The following ZFYVE16 variants were observed in gnomAD, a reference collection of about 807,000 sequenced individuals.
The protein encoded by ZFYVE16 is zinc finger FYVE-type containing 16.
Under a neutral mutation model 138.1 loss-of-function variants are expected in ZFYVE16, and 89 were observed. The observed-to-expected ratio is 0.64, with a 90% CI of 0.54 to 0.77. ZFYVE16 has a LOEUF of 0.77. Ranked by LOEUF, ZFYVE16 falls within the 30% of genes least tolerant of loss-of-function variation. The probability of loss-of-function intolerance (pLI) is 0.00; values close to 1 mark genes in which losing one functional copy is unlikely to be tolerated. For missense variants in ZFYVE16, 1,793 were observed against 1,786.7 expected (o/e 1.00, Z -0.06); for synonymous variants, 596 against 618.3 (o/e 0.96, Z 0.53).
chr5:80,438,978 C>T lies in ZFYVE16; in HGVS notation c.2293C>T (p.Arg765Trp), dbSNP rs868492243. 13 of 1,612,238 alleles carry T rather than the reference C, an allele frequency of 8.1e-6. No homozygotes were observed. Among genetic ancestry groups the T allele is most frequent in the Middle Eastern group, 1.7e-4 (1 of 6,052 alleles). Reference protein sequence around the residue: ...NCQVKFTFTKRRHHCRACGKV... With the variant: ...NCQVKFTFTKWRHHCRACGKV... ...CCAAGTCAAATTTACTTTTACCAAA[C>T]GGCGACACCATTGCCGAGCATGTGG... Residue 765 changes from arginine to tryptophan, a missense_variant, in exon 4 of 19, where the codon CGG (arginine) becomes TGG (tryptophan). Around this residue, in one of 2 missense-constraint regions of ZFYVE16, gnomAD observed 1,295 missense variants for 1,204.3 expected, o/e 1.08. Coordinates refer to ENST00000505560, the MANE Select transcript of ZFYVE16 (RefSeq NM_001284236.3).
chr5:80,436,014 C>T (rs1304078311), intron 3 of ZFYVE16, among the ~76,000 whole-genome samples: 1 of 152,196 alleles, frequency 6.6e-6, no homozygotes, highest in Non-Finnish European at 1.5e-5. Context: ...GAAGGTGCTT[C>T]TCCTTTGCCT....
Position 80,445,214 on chromosome 5 carries a change from A to G in ZFYVE16, c.2582-49A>G, listed in dbSNP as rs761023843. 6 of 1,586,996 alleles carry G rather than the reference A, an allele frequency of 3.8e-6. No homozygotes were observed. In the African/African-American group the frequency reaches 5.5e-5, roughly 14 times the overall value. Reference sequence around the variant, plus strand: ...TTCACAATCTTTTTGGCATTAAATCATTGCCATATTACCAGATTCAAATGT... The same window carrying G: ...TTCACAATCTTTTTGGCATTAAATCGTTGCCATATTACCAGATTCAAATGT... On this transcript the variant is annotated intron_variant, in intron 6 of 18. Coordinates refer to ENST00000505560, the MANE Select transcript of ZFYVE16 (RefSeq NM_001284236.3).
chr5:80,456,358 A>G (rs901224923), intron 12 of ZFYVE16, 103 bp from the exon 13 acceptor site: 2 of 882,214 alleles, frequency 2.3e-6, no homozygotes, highest in Non-Finnish European at 3.5e-6. Context: ...TGAGAATGAT[A>G]TTCTTTATTA....
intron 1 of ZFYVE16, among the ~76,000 whole-genome samples, chr5:80,413,321 A>T: frequency 6.6e-6 from 1 of 151,698 alleles, no homozygotes; most frequent in Non-Finnish European, 1.5e-5. Context: ...AAAATACAAA[A>T]TTAGCCAGGC....
rs976707391 is a variant in ZFYVE16, at chr5:80,436,823, G to A, written c.138G>A (p.Glu46=). 5 of 1,614,136 alleles carry A rather than the reference G, an allele frequency of 3.1e-6. No homozygotes were observed. The highest frequency in any genetic ancestry group is 4.2e-6 in the Non-Finnish European group (5 of 1,180,018). The change falls in exon 4 of 19, where the codon GAG becomes GAA. Residue 46 remains glutamate, a synonymous_variant. Transcript: ENST00000505560. ...CTAACCACTGCTCAGTTTCTTCAGAGTTGGCTTCCTCACAGCGAACTTCAT... is the reference window on the plus strand; with the variant it reads ...CTAACCACTGCTCAGTTTCTTCAGAATTGGCTTCCTCACAGCGAACTTCAT... ...YDSNHCSVSS[E]LASSQRTSLL...
In ZFYVE16 at chr5:80,436,996, C is replaced by A. The variant is rs1379592917; in HGVS notation, c.311C>A (p.Ser104Tyr). Residue 104 changes from serine (S) to tyrosine (Y), a missense_variant, in exon 4 of 19, where the codon TCT becomes TAT. Transcript: ENST00000505560. ...EKNVTGLDLL[S>Y]SVDGGTSDEI... Reference sequence around the variant, plus strand: ...AATGTAACAGGACTTGATCTTCTTTCTTCTGTGGATGGTGGTACTTCAGAT... The same window carrying A: ...AATGTAACAGGACTTGATCTTCTTTATTCTGTGGATGGTGGTACTTCAGAT... 2 of 1,614,198 alleles carry A rather than the reference C, an allele frequency of 1.2e-6. No homozygotes were observed. Among genetic ancestry groups the A allele is most frequent in the South Asian group, 2.2e-5 (2 of 91,090 alleles).
chr5:80,451,438 A>G, intron 10 of ZFYVE16, 47 bp from the exon 11 acceptor site: 1 of 1,474,380 alleles, frequency 6.8e-7, no homozygotes, highest in East Asian at 2.3e-5. Context: ...TCTTCAAAAC[A>G]ATAACAAAAC....
chr5:80,476,887 A>C (rs1754961400), intron 18 of ZFYVE16, among the ~76,000 whole-genome samples: 1 of 152,138 alleles, frequency 6.6e-6, no homozygotes, highest in Non-Finnish European at 1.5e-5. Flanking sequence ...TTTCAAGTAG[A>C]TTTTTTTAAT....
At position 80,437,941 on chromosome 5, in the gene ZFYVE16, A is replaced by G. The variant is rs1241477539; in HGVS notation, c.1256A>G (p.Asn419Ser). 1 of 1,614,076 alleles carries G rather than the reference A, an allele frequency of 6.2e-7. No individual in the cohort carries two copies. Among genetic ancestry groups the G allele is most frequent in the Admixed American group, 1.7e-5 (1 of 59,998 alleles). ...GTGACTATACATGAAGAAATACAGA[A>G]CAGTGTTGTTCTAGGTGGGGAACCA... ...DAVTIHEEIQ[N>S]SVVLGGEPFK... is the part of the protein sequence containing the mutation. The change falls in exon 4 of 19, where the codon AAC becomes AGC. Residue 419 changes from asparagine to serine, a missense_variant. Asn to Ser is a conservative substitution (Grantham distance 46). Transcript: ENST00000505560.
rs1466008537 is a variant in ZFYVE16, at chr5:80,472,670, A to C, written c.4025-91A>C. 11 of 1,257,698 alleles carry C rather than the reference A, an allele frequency of 8.7e-6. 1 individual carries two copies. In the Admixed American group the frequency reaches 2.4e-4, roughly 28 times the overall value. The allele number at this position is 1,257,698 out of a possible 1,614,324, so 77.9% of individuals were successfully genotyped here. A position where few individuals can be genotyped will look rare whatever the true frequency, so the allele number is the denominator to read the frequency against. ...GCAAATGATTTAAAACTTGTATCTT[A>C]CACAGAACATATTTTGATAGCAAAT... On this transcript the variant is annotated intron_variant, in intron 15 of 18. Coordinates refer to ENST00000505560, the MANE Select transcript of ZFYVE16 (RefSeq NM_001284236.3).
chr5:80,434,472 TC>T (rs1230667162), intron 3 of ZFYVE16, among the ~76,000 whole-genome samples: 12 of 152,172 alleles, frequency 7.9e-5, no homozygotes, highest in African/African-American at 2.9e-4. Context: ...ACATTTCTTT[TC>T]TTTTCTTTTC....
At chr5:80,458,662 C>T (rs1196116296) in intron 14 of ZFYVE16, among the ~76,000 whole-genome samples, 2 of 152,164 alleles carry the variant, frequency 1.3e-5, no homozygotes, top group East Asian at 3.8e-4. Context: ...TATAAAAATG[C>T]TACAGTGAAT....
At chr5:80,420,131 G>A (rs909484570) in intron 1 of ZFYVE16, among the ~76,000 whole-genome samples, 1 of 150,518 alleles carries the variant, frequency 6.6e-6, no homozygotes, top group Non-Finnish European at 1.5e-5. Context: ...TTTTGAGACA[G>A]AGTTTAGCTC....
chr5:80,445,491 T>C, intron 7 of ZFYVE16, 86 bp downstream of exon 7: 2 of 1,290,462 alleles, frequency 1.5e-6, no homozygotes, highest in East Asian at 4.9e-5. Context: ...AGTGCTTTTT[T>C]TTTTTTTTAA....
At chr5:80,425,980 G>A (rs1283363500) in intron 1 of ZFYVE16, among the ~76,000 whole-genome samples, 45 of 152,092 alleles carry the variant, frequency 3.0e-4, no homozygotes, top group Admixed American at 2.9e-3. Flanking sequence ...TTATTAACTG[G>A]AATTCTTATC....
chr5:80,448,732 C>T lies in ZFYVE16; in HGVS notation c.3103+328C>T, dbSNP rs1310560447. Among the ~76,000 whole-genome samples, 3 of 151,982 alleles carry T rather than the reference C, an allele frequency of 2.0e-5. No homozygotes were observed. In the East Asian group the frequency reaches 5.8e-4, roughly 29 times the overall value. On this transcript the variant is annotated intron_variant, in intron 8 of 18. Coordinates refer to ENST00000505560, the MANE Select transcript of ZFYVE16 (RefSeq NM_001284236.3). ...CTATTTTTTTTTAGGAGCATGATACCTAAAGAAAAGAGCATTAGATTGGAT... is the reference window on the plus strand; with the variant it reads ...CTATTTTTTTTTAGGAGCATGATACTTAAAGAAAAGAGCATTAGATTGGAT...
Position 80,471,821 on chromosome 5 carries a change from G to A in ZFYVE16, c.4025-940G>A, listed in dbSNP as rs77021783. Among the ~76,000 whole-genome samples the A allele has an allele frequency of 3.3e-3, 500 of 152,296 alleles. 13 individuals are homozygous for A. The East Asian group carries it at 0.087, about 27-fold the overall frequency. ...TTTCATGGTTGATCACCTTGACATT[G>A]TGTAGACTTGATTTTTCACTTTCTT... is the stretch of plus-strand genomic sequence containing the variant. On this transcript the variant is annotated intron_variant, in intron 15 of 18. Coordinates refer to ENST00000505560, the MANE Select transcript of ZFYVE16 (RefSeq NM_001284236.3).
chr5:80,437,505 G>T lies in ZFYVE16; in HGVS notation c.820G>T (p.Asp274Tyr). 1.9e-6 allele frequency: 3 copies of T among 1,612,368 alleles called. No homozygotes were observed. The South Asian group carries it at 3.3e-5, about 18-fold the overall frequency. Residue 274 changes from aspartate to tyrosine, a missense_variant, in exon 4 of 19, where the codon GAT becomes TAT. By Grantham distance (160) the Asp-to-Tyr change is radical. This residue lies in a region of ZFYVE16 where 1,295 missense variants were observed against 1,204.3 expected (regional missense o/e 1.08). Transcript: ENST00000505560. ...HKSQPCGLLKDVGLVKEEVDV... is the reference protein window; with the variant it reads ...HKSQPCGLLKYVGLVKEEVDV... ...GAGCCAGCCATGTGGATTACTAAAAGATGTTGGCTTAGTAAAAGAGGAAGT... is the reference window on the plus strand; with the variant it reads ...GAGCCAGCCATGTGGATTACTAAAATATGTTGGCTTAGTAAAAGAGGAAGT...
chr5:80,471,941 G>A (rs1297760532), intron 15 of ZFYVE16, among the ~76,000 whole-genome samples: 1 of 152,096 alleles, frequency 6.6e-6, no homozygotes, highest in Non-Finnish European at 1.5e-5. Context: ...GATTTTGTAA[G>A]GGCTTCGTTT....
Sources: allele counts gnomAD v4.1 joint callset (sites outside exome capture counted in the v4.1 genomes callset), GRCh38; gene constraint gnomAD v4.1.1; regional missense constraint gnomAD v4.1.1; transcripts MANE v1.5; gene names NCBI Gene and HGNC (gene_info 2026-07-23, HGNC 2026-07-21).